The following ZDHHC20 variants were observed in gnomAD, a reference collection of about 807,000 sequenced individuals.
The protein encoded by ZDHHC20 is zDHHC palmitoyltransferase 20.
A neutral mutation model predicts 57.8 loss-of-function variants in ZDHHC20; 43 were observed. The observed-to-expected ratio is 0.74, with a 90% CI of 0.58 to 0.96. The LOEUF (loss-of-function observed/expected upper bound fraction) is 0.96, where lower values mean the gene tolerates loss of function less well. Ranked by LOEUF, ZDHHC20 falls within the 40% of genes least tolerant of loss-of-function variation. The probability of loss-of-function intolerance (pLI) is 0.00; values close to 1 mark genes in which losing one functional copy is unlikely to be tolerated. For missense variants in ZDHHC20, 391 were observed against 441.1 expected (o/e 0.89, Z 1.02); for synonymous variants, 157 against 153.0 (o/e 1.03, Z -0.19).
At chr13:21,384,660 C>T (rs1290743260) in intron 9 of ZDHHC20, among the ~76,000 whole-genome samples, 1 of 152,166 alleles carries the variant, frequency 6.6e-6, no homozygotes, top group Admixed American at 6.5e-5. Flanking sequence ...ATTCACAGAG[C>T]TTTCACAGCA....
intron 3 of ZDHHC20, among the ~76,000 whole-genome samples, chr13:21,415,130 A>G (rs1299041429): frequency 2.0e-5 from 3 of 152,170 alleles, no homozygotes; most frequent in Admixed American, 2.0e-4. Flanking sequence ...ATTCTGCTAT[A>G]AACAAGGCAA....
chr13:21,458,744 G>T (rs554167860), intron 1 of ZDHHC20, among the ~76,000 whole-genome samples: 1 of 152,194 alleles, frequency 6.6e-6, no homozygotes, highest in African/African-American at 2.4e-5. Flanking sequence ...CGTTCTGCAC[G>T]TTCCTTCCCA....
At chr13:21,390,254 G>A (rs537576781) in intron 8 of ZDHHC20, 2 of 152,212 alleles carry the variant, frequency 1.3e-5, no homozygotes, top group South Asian at 2.1e-4. Flanking sequence ...AAACACTACC[G>A]TAAAAATCCT....
At chr13:21,390,591 G>A (rs1269079140) in intron 8 of ZDHHC20, among the ~76,000 whole-genome samples, 2 of 152,064 alleles carry the variant, frequency 1.3e-5, no homozygotes, top group Non-Finnish European at 2.9e-5. Flanking sequence ...GTTTAACTGT[G>A]GGGGAAAAAA....
At position 21,429,751 on chromosome 13, in the gene ZDHHC20, CCCA is replaced by C. The variant is rs531874386; in HGVS notation, c.119-4076_119-4074del. 1.2e-4 allele frequency among the ~76,000 whole-genome samples: 18 copies of C among 152,250 alleles called. No homozygotes were observed. In the East Asian group the frequency reaches 3.3e-3, roughly 28 times the overall value. On this transcript the variant is annotated intron_variant, in intron 1 of 12. Coordinates refer to ENST00000400590, the MANE Select transcript of ZDHHC20 (RefSeq NM_001330059.2). ...AAATATTAGAACTTTTAAAAATAGTCCCACAAGTCCCTGATGATTTGTTCATTT... is the reference window on the plus strand; with the variant it reads ...AAATATTAGAACTTTTAAAAATAGTCCAAGTCCCTGATGATTTGTTCATTT...
At chr13:21,413,421 A>C (rs942276628) in intron 4 of ZDHHC20, among the ~76,000 whole-genome samples, 3 of 152,180 alleles carry the variant, frequency 2.0e-5, no homozygotes, top group African/African-American at 7.2e-5. Flanking sequence ...ACAAGTACAG[A>C]AGAGATTCAT....
chr13:21,410,714 C>T (rs574593524), intron 4 of ZDHHC20, among the ~76,000 whole-genome samples: 1 of 152,298 alleles, frequency 6.6e-6, no homozygotes, highest in Admixed American at 6.5e-5. Flanking sequence ...CCTCCCCCCA[C>T]CAAGCTCCAG....
chr13:21,412,654 C>G lies in ZDHHC20; in HGVS notation c.370+998G>C, dbSNP rs564600419. On this transcript the variant is annotated intron_variant, in intron 4 of 12. Coordinates refer to ENST00000400590, the MANE Select transcript of ZDHHC20 (RefSeq NM_001330059.2). ...CCCTGGATACAGACCACCTAGAAGA[C>G]CTACAATCAAGGGAAAATGAAATAA... Among the ~76,000 whole-genome samples the G allele has an allele frequency of 2.0e-5, 3 of 151,950 alleles. No individual in the cohort carries two copies. The South Asian group carries it at 6.3e-4, about 32-fold the overall frequency.
At chr13:21,449,769 T>A (rs538934396) in intron 1 of ZDHHC20, among the ~76,000 whole-genome samples, 1 of 151,974 alleles carries the variant, frequency 6.6e-6, no homozygotes, top group Admixed American at 6.6e-5. Context: ...CTCAGCCTCC[T>A]GAGTACCTGG....
chr13:21,429,724 AC>A, intron 1 of ZDHHC20, among the ~76,000 whole-genome samples: 1 of 152,338 alleles, frequency 6.6e-6, no homozygotes, highest in Middle Eastern at 3.4e-3. Context: ...CTCTGATGGT[AC>A]AAATATTAGA....
chr13:21,404,753 CAAA>C (rs11391004), intron 4 of ZDHHC20, among the ~76,000 whole-genome samples: 3 of 78,912 alleles, frequency 3.8e-5, no homozygotes, highest in Admixed American at 1.5e-4. Flanking sequence ...GATTCCATCT[CAAA>C]AAAAAAAAAA....
intron 1 of ZDHHC20, among the ~76,000 whole-genome samples, chr13:21,443,184 G>A (rs1883349068): frequency 2.0e-5 from 3 of 151,982 alleles, no homozygotes; most frequent in African/African-American, 7.3e-5. Context: ...TACTTCATGG[G>A]ACACTTTCAA....
chr13:21,413,869 CTA>C, intron 3 of ZDHHC20, 97 bp from the exon 4 acceptor site: 1 of 1,048,830 alleles, frequency 9.5e-7, no homozygotes, highest in Non-Finnish European at 1.4e-6. Flanking sequence ...AAACCAAAAA[CTA>C]TTTTATGAAG....
At chr13:21,390,296 A>G (rs1365317278) in intron 8 of ZDHHC20, 2 of 152,228 alleles carry the variant, frequency 1.3e-5, no homozygotes, top group African/African-American at 4.8e-5. Context: ...TAGCAGATAC[A>G]TGAATATTTC....
At chr13:21,444,569 CTAAAT>C (rs1193172046) in intron 1 of ZDHHC20, among the ~76,000 whole-genome samples, 4 of 152,008 alleles carry the variant, frequency 2.6e-5, no homozygotes, top group Admixed American at 2.6e-4. Flanking sequence ...TGTTGTTCTA[CTAAAT>C]TAAATTATTC....
chr13:21,451,998 AAAAAAAAC>A (rs1884486068), intron 1 of ZDHHC20, among the ~76,000 whole-genome samples: 1 of 152,146 alleles, frequency 6.6e-6, no homozygotes, highest in Admixed American at 6.6e-5. Flanking sequence ...CCATCTCCAA[AAAAAAAAC>A]AAAAAAACAC....
intron 3 of ZDHHC20, among the ~76,000 whole-genome samples, chr13:21,416,359 TTTTA>T (rs1327181517): frequency 6.6e-6 from 1 of 152,196 alleles, no homozygotes; most frequent in Non-Finnish European, 1.5e-5. Flanking sequence ...AAGTTTGTCT[TTTTA>T]TTCAAAACTA....
chr13:21,400,323 AG>A, intron 7 of ZDHHC20, 49 bp downstream of exon 7: 1 of 1,473,974 alleles, frequency 6.8e-7, no homozygotes. Flanking sequence ...TTAGGAAGAT[AG>A]CATCTTAAAG....
intron 1 of ZDHHC20, among the ~76,000 whole-genome samples, chr13:21,442,703 C>T (rs975851401): frequency 2.0e-4 from 30 of 151,134 alleles, no homozygotes; most frequent in Non-Finnish European, 3.4e-4. Context: ...TACAGTGAGC[C>T]GAGATCACAC....
Sources: gnomAD v4.1 joint callset for allele counts (sites outside exome capture counted in the v4.1 genomes callset) on GRCh38, gnomAD v4.1.1 for gene constraint, MANE v1.5 for transcripts, NCBI Gene and HGNC (gene_info 2026-07-23, HGNC 2026-07-21) for gene names.